RAP1GDS1: variants seen among roughly 807,000 people sequenced by gnomAD.
RAP1GDS1 encodes the protein Rap1 GTPase-GDP dissociation stimulator 1, also known as RAP1, GTP-GDP dissociation stimulator 1.
RAP1GDS1 carries 35 observed loss-of-function variants against 71.1 expected under a neutral mutation model. The observed-to-expected ratio is 0.49, with a 90% CI of 0.38 to 0.65. The LOEUF is 0.65. Among genes scored for constraint, RAP1GDS1 ranks in the 30% least tolerant of loss-of-function variants. The pLI, the probability that RAP1GDS1 is intolerant of heterozygous loss-of-function variation, is 0.00. For synonymous variants in RAP1GDS1, 229 were observed against 243.1 expected (o/e 0.94, Z 0.54); for missense variants, 663 against 706.1 (o/e 0.94, Z 0.69).
At chr4:98,363,519 A>G (rs1246345111) in intron 4 of RAP1GDS1, among the ~76,000 whole-genome samples, 1 of 150,722 alleles carries the variant, frequency 6.6e-6, no homozygotes, top group Non-Finnish European at 1.5e-5. Context: ...TAGTAATTGT[A>G]AAGCCCTGAG....
chr4:98,432,246 A>G (rs1750531831), intron 12 of RAP1GDS1, among the ~76,000 whole-genome samples: 1 of 152,110 alleles, frequency 6.6e-6, no homozygotes, highest in Non-Finnish European at 1.5e-5. Context: ...TTCATTCCCT[A>G]CTCTTCCTTC....
intron 7 of RAP1GDS1, among the ~76,000 whole-genome samples, chr4:98,407,671 G>C (rs577907987): frequency 6.6e-6 from 1 of 151,262 alleles, no homozygotes; most frequent in Admixed American, 6.6e-5. Flanking sequence ...TTTGGAGACA[G>C]AGGGAGGTAG....
At chr4:98,411,697 T>C (rs769028337) in intron 7 of RAP1GDS1, among the ~76,000 whole-genome samples, 2 of 152,188 alleles carry the variant, frequency 1.3e-5, no homozygotes, top group African/African-American at 2.4e-5. Context: ...TTCACATCTG[T>C]TTTATAATTG....
intron 6 of RAP1GDS1, among the ~76,000 whole-genome samples, chr4:98,394,638 A>G (rs909866521): frequency 6.6e-6 from 1 of 152,120 alleles, no homozygotes; most frequent in African/African-American, 2.4e-5. Flanking sequence ...GATCATACAT[A>G]CAGTCAAGAG....
chr4:98,441,496 T>C lies in RAP1GDS1; in HGVS notation c.1697-494T>C, dbSNP rs146389141. 35 of 984,832 alleles carry C rather than the reference T, an allele frequency of 3.6e-5. No homozygotes were observed. The African/African-American group carries it at 5.2e-4, about 15-fold the overall frequency. 61.0% of individuals were successfully genotyped at this position (984,832 alleles called of 1,614,324 possible). On this transcript the variant is annotated intron_variant, in intron 14 of 14. Coordinates refer to ENST00000408927, the MANE Select transcript of RAP1GDS1 (RefSeq NM_001100427.2). ...TTGGACTTCATATTTGAACTGGTGA[T>C]AGGGTTGTATGTAACCAAACCTTGA...
chr4:98,281,167 G>A (rs1005135104), intron 1 of RAP1GDS1, among the ~76,000 whole-genome samples: 2 of 112,122 alleles, frequency 1.8e-5, no homozygotes, highest in African/African-American at 1.0e-4. Context: ...GTAGCTTGAT[G>A]GGGGGATGGC....
rs190746178 is a variant in RAP1GDS1, at chr4:98,342,358, A to G, written c.113-781A>G. On this transcript the variant is annotated intron_variant, in intron 2 of 14. Coordinates refer to ENST00000408927, the MANE Select transcript of RAP1GDS1 (RefSeq NM_001100427.2). ...TGAGCCTTATAACCTCTAGCTTTAA[A>G]CACATGCCATTTCTCTTCATTGTTC... 6.2e-4 allele frequency among the ~76,000 whole-genome samples: 94 copies of G among 152,238 alleles called. 1 individual carries two copies. Among genetic ancestry groups the G allele is most frequent in the Admixed American group, 5.6e-3 (86 of 15,280 alleles).
intron 2 of RAP1GDS1, among the ~76,000 whole-genome samples, chr4:98,342,212 A>G (rs1735591879): frequency 6.6e-6 from 1 of 152,142 alleles, no homozygotes; most frequent in African/African-American, 2.4e-5. Context: ...TACTGATCAC[A>G]TCAGCTGCCA....
At chr4:98,331,070 C>T (rs1733937253) in intron 2 of RAP1GDS1, among the ~76,000 whole-genome samples, 2 of 152,168 alleles carry the variant, frequency 1.3e-5, no homozygotes, top group African/African-American at 4.8e-5. Context: ...CCAAGGCGGG[C>T]AGATACTCGA....
intron 1 of RAP1GDS1, among the ~76,000 whole-genome samples, chr4:98,283,033 G>T (rs941209877): frequency 1.3e-4 from 20 of 152,012 alleles, no homozygotes; most frequent in African/African-American, 4.8e-4. Flanking sequence ...AAAAAAAATT[G>T]CCTTTAAAAC....
intron 4 of RAP1GDS1, among the ~76,000 whole-genome samples, chr4:98,369,455 A>G (rs79950879): frequency 0.066 from 10,062 of 152,276 alleles, 381 homozygotes; most frequent in Admixed American, 0.13. Flanking sequence ...AAAACTAGAA[A>G]CAACCCAATG....
intron 7 of RAP1GDS1, among the ~76,000 whole-genome samples, chr4:98,412,414 C>G (rs1013678358): frequency 6.6e-6 from 1 of 152,086 alleles, no homozygotes; most frequent in African/African-American, 2.4e-5. Flanking sequence ...ACTCAGGAGG[C>G]TGAGATAGGA....
intron 5 of RAP1GDS1, among the ~76,000 whole-genome samples, chr4:98,383,458 A>G (rs959967702): frequency 6.6e-6 from 1 of 151,514 alleles, no homozygotes; most frequent in African/African-American, 2.4e-5. Context: ...GATTTTTCTA[A>G]TATTTTAATT....
intron 1 of RAP1GDS1, among the ~76,000 whole-genome samples, chr4:98,279,359 C>T (rs1724713873): frequency 6.6e-6 from 1 of 151,474 alleles, no homozygotes; most frequent in African/African-American, 2.4e-5. Flanking sequence ...AAAAGAATTA[C>T]ATAAATGATA....
chr4:98,355,335 C>G (rs897670868), intron 4 of RAP1GDS1, among the ~76,000 whole-genome samples: 2 of 152,122 alleles, frequency 1.3e-5, no homozygotes, highest in African/African-American at 4.8e-5. Flanking sequence ...CTAAAGAGTT[C>G]ATATATTTGT....
chr4:98,405,684 A>G (rs1578761939), intron 7 of RAP1GDS1, among the ~76,000 whole-genome samples: 1 of 152,072 alleles, frequency 6.6e-6, no homozygotes, highest in South Asian at 2.1e-4. Flanking sequence ...AAATGTAGAA[A>G]ACCAATGACC....
At chr4:98,383,588 G>T (rs1742317131) in intron 5 of RAP1GDS1, among the ~76,000 whole-genome samples, 2 of 151,338 alleles carry the variant, frequency 1.3e-5, no homozygotes, top group Non-Finnish European at 3.0e-5. Context: ...TTAAGCTATG[G>T]TTGAAGGGAG....
intron 2 of RAP1GDS1, among the ~76,000 whole-genome samples, chr4:98,316,496 T>G (rs368705745): frequency 1.8e-4 from 28 of 152,060 alleles, no homozygotes; most frequent in African/African-American, 6.5e-4. Context: ...TATTAACCAC[T>G]GTATGTAGAT....
intron 2 of RAP1GDS1, among the ~76,000 whole-genome samples, chr4:98,308,323 A>ATATATATATG (rs1729687352): frequency 7.5e-6 from 1 of 134,216 alleles, no homozygotes; most frequent in Non-Finnish European, 1.6e-5. Flanking sequence ...ATATATATAT[A>ATATATATATG]TATATATATG....
Sources: allele counts gnomAD v4.1 joint callset (sites outside exome capture counted in the v4.1 genomes callset), GRCh38; gene constraint gnomAD v4.1.1; transcripts MANE v1.5; gene names NCBI Gene and HGNC (gene_info 2026-07-23, HGNC 2026-07-21).